The following NEGR1 variants were observed in gnomAD, a reference collection of about 807,000 sequenced individuals.
NEGR1 encodes neuronal growth regulator 1.
NEGR1 carries 10 observed loss-of-function variants against 40.9 expected under a neutral mutation model. The observed-to-expected ratio is 0.24, with a 90% CI of 0.15 to 0.42. The LOEUF (loss-of-function observed/expected upper bound fraction) is 0.42. NEGR1 is among the 10% of genes least tolerant of loss of function. The pLI is 1.00. For missense variants in NEGR1, 352 were observed against 438.9 expected, an observed-to-expected ratio of 0.80 and a Z score of 1.77; for synonymous variants, 185 against 166.8, an observed-to-expected ratio of 1.11 and a Z score of -0.84.
chr1:71,430,800 G>A (rs1646461528), intron 6 of NEGR1, among the ~76,000 whole-genome samples: 1 of 142,148 alleles, frequency 7.0e-6, no homozygotes, highest in African/African-American at 2.6e-5. Context: ...TCCGCCTCCC[G>A]AGTTCACGCC....
intron 4 of NEGR1, among the ~76,000 whole-genome samples, chr1:71,643,636 A>G (rs1290793930): frequency 1.3e-5 from 2 of 152,002 alleles, no homozygotes; most frequent in African/African-American, 4.8e-5. Flanking sequence ...CACCATTCCA[A>G]TCATGATCAA....
intron 1 of NEGR1, among the ~76,000 whole-genome samples, chr1:72,088,796 CTTTTT>C (rs71074816): frequency 4.3e-4 from 32 of 74,906 alleles, no homozygotes; most frequent in African/African-American, 7.0e-4. Flanking sequence ...CTCTCTCTCT[CTTTTT>C]TTTTTTTTTT....
At chr1:71,511,381 A>G (rs559272023) in intron 6 of NEGR1, among the ~76,000 whole-genome samples, 2 of 152,322 alleles carry the variant, frequency 1.3e-5, no homozygotes, top group African/African-American at 4.8e-5. Flanking sequence ...AATCTAGTTG[A>G]CCAACAGAAC....
At chr1:71,783,840 G>GTCCA (rs376448737) in intron 2 of NEGR1, among the ~76,000 whole-genome samples, 4,852 of 133,700 alleles carry the variant, frequency 0.036, 105 homozygotes, top group Admixed American at 0.056. Flanking sequence ...CCATCCACCC[G>GTCCA]TCCATCCATC....
chr1:71,666,167 C>T (rs1652234403), intron 4 of NEGR1, among the ~76,000 whole-genome samples: 1 of 152,124 alleles, frequency 6.6e-6, no homozygotes, highest in Admixed American at 6.5e-5. Context: ...TAAAACTTAC[C>T]ATCACTCAAG....
At chr1:71,816,033 T>G (rs1658194063) in intron 2 of NEGR1, among the ~76,000 whole-genome samples, 2 of 152,114 alleles carry the variant, frequency 1.3e-5, no homozygotes, top group Admixed American at 1.3e-4. Flanking sequence ...AATCAATTCC[T>G]TTCAAACACC....
intron 2 of NEGR1, among the ~76,000 whole-genome samples, chr1:71,897,030 C>T (rs2101857650): frequency 6.6e-6 from 1 of 152,228 alleles, no homozygotes; most frequent in South Asian, 2.1e-4. Flanking sequence ...GCTCTGATGC[C>T]ATGTTACAAG....
chr1:72,211,148 A>G (rs1653591985), intron 1 of NEGR1, among the ~76,000 whole-genome samples: 1 of 151,768 alleles, frequency 6.6e-6, no homozygotes, highest in South Asian at 2.1e-4. Context: ...GACTCCATCA[A>G]TAGGATTCTA....
chr1:71,947,659 G>T (rs1425460089), intron 1 of NEGR1, among the ~76,000 whole-genome samples: 1 of 152,032 alleles, frequency 6.6e-6, no homozygotes, highest in Admixed American at 6.6e-5. Flanking sequence ...ACTTTGGGCC[G>T]TGGCCCATGG....
intron 2 of NEGR1, among the ~76,000 whole-genome samples, chr1:71,854,875 G>A (rs910659047): frequency 5.3e-5 from 8 of 152,060 alleles, no homozygotes; most frequent in African/African-American, 1.9e-4. Context: ...GGGGATTATG[G>A]GAACTAGAAT....
At chr1:71,458,092 A>G (rs990841361) in intron 6 of NEGR1, among the ~76,000 whole-genome samples, 3 of 152,180 alleles carry the variant, frequency 2.0e-5, no homozygotes, top group African/African-American at 7.2e-5. Flanking sequence ...TCCTAGATCT[A>G]TTTAACTGCA....
intron 1 of NEGR1, among the ~76,000 whole-genome samples, chr1:72,174,385 T>A (rs1455006354): frequency 6.6e-6 from 1 of 152,206 alleles, no homozygotes; most frequent in Non-Finnish European, 1.5e-5. Context: ...CTCTTGGAGT[T>A]GGAGATTCTA....
At chr1:71,730,983 G>T (rs1370133805) in intron 3 of NEGR1, among the ~76,000 whole-genome samples, 1 of 151,168 alleles carries the variant, frequency 6.6e-6, no homozygotes, top group South Asian at 2.1e-4. Flanking sequence ...TCAATAGCAA[G>T]TAAGAAATTG....
intron 1 of NEGR1, among the ~76,000 whole-genome samples, chr1:71,946,814 T>A (rs1482497316): frequency 6.6e-6 from 1 of 151,984 alleles, no homozygotes; most frequent in Non-Finnish European, 1.5e-5. Context: ...TATATATGTA[T>A]CCCACATTTT....
At chr1:72,243,479 G>T (rs573712859) in intron 1 of NEGR1, among the ~76,000 whole-genome samples, 1 of 151,606 alleles carries the variant, frequency 6.6e-6, no homozygotes, top group Non-Finnish European at 1.5e-5. Flanking sequence ...TGTACCCCTT[G>T]AATCTAAAAT....
chr1:72,219,443 G>A (rs1273229120), intron 1 of NEGR1, among the ~76,000 whole-genome samples: 1 of 151,906 alleles, frequency 6.6e-6, no homozygotes, highest in East Asian at 1.9e-4. Context: ...TTTCTTTACA[G>A]TGCCAAGGCA....
chr1:72,018,135 G>A (rs1235174396), intron 1 of NEGR1, among the ~76,000 whole-genome samples: 1 of 152,126 alleles, frequency 6.6e-6, no homozygotes, highest in Non-Finnish European at 1.5e-5. Flanking sequence ...ATTACATACG[G>A]TCAATATCGA....
chr1:72,199,858 T>C (rs1653141140), intron 1 of NEGR1, among the ~76,000 whole-genome samples: 1 of 151,740 alleles, frequency 6.6e-6, no homozygotes, highest in South Asian at 2.1e-4. Context: ...CATTAAAAAA[T>C]GGGCAAAGGA....
chr1:71,961,476 C>A (rs61765343), intron 1 of NEGR1, among the ~76,000 whole-genome samples: 18,541 of 152,058 alleles, frequency 0.12, 1,210 homozygotes, highest in Middle Eastern at 0.21. Context: ...TGAGATCCAG[C>A]CTCTAGTGCT....
Sources: gnomAD v4.1 joint callset for allele counts (sites outside exome capture counted in the v4.1 genomes callset) on GRCh38, gnomAD v4.1.1 for gene constraint, MANE v1.5 for transcripts, NCBI Gene and HGNC (gene_info 2026-07-23, HGNC 2026-07-21) for gene names.